Variants in DEUP1 observed in about 807,000 individuals in gnomAD.
The protein encoded by DEUP1 is deuterosome assembly protein 1.
A neutral mutation model predicts 87.4 loss-of-function variants in DEUP1; 82 were observed. The observed-to-expected ratio is 0.94, with a 90% CI of 0.78 to 1.13. The LOEUF is 1.13. DEUP1 is among the 50% of genes most tolerant of loss of function. DEUP1 has a pLI of 0.00. For synonymous variants in DEUP1, 214 were observed against 222.7 expected, an observed-to-expected ratio of 0.96 and a Z score of 0.35; for missense variants, 663 against 681.5, an observed-to-expected ratio of 0.97 and a Z score of 0.30.
chr11:93,374,127 ATTGT>A (rs780882005), intron 7 of DEUP1, among the ~76,000 whole-genome samples: 7 of 151,346 alleles, frequency 4.6e-5, no homozygotes, highest in Non-Finnish European at 8.9e-5. Context: ...TTTTGATGGG[ATTGT>A]TTGTTTTTTT....
rs769834617 is a variant in DEUP1, at chr11:93,371,291, AT to A, written c.789+19del. On this transcript the variant is annotated intron_variant, in intron 7 of 13. Transcript: ENST00000298050. Reference sequence around the variant, plus strand: ...CAAAGACAGTGCCAGGTGAAGATTAATTTTTTTTCAACTAATATTGTCCATG... The same window carrying A: ...CAAAGACAGTGCCAGGTGAAGATTAATTTTTTTCAACTAATATTGTCCATG... 1.7e-5 allele frequency: 27 copies of A among 1,605,114 alleles called. No individual in the cohort carries two copies. Among genetic ancestry groups the A allele is most frequent in the South Asian group, 3.4e-5 (3 of 89,256 alleles).
intron 11 of DEUP1, among the ~76,000 whole-genome samples, chr11:93,404,881 G>A (rs964768510): frequency 6.6e-6 from 1 of 151,620 alleles, no homozygotes; most frequent in African/African-American, 2.4e-5. Flanking sequence ...AAATGAGAGG[G>A]ACCCAAAAAA....
intron 4 of DEUP1, among the ~76,000 whole-genome samples, chr11:93,359,234 T>C (rs1945045813): frequency 6.6e-6 from 1 of 152,206 alleles, no homozygotes; most frequent in Non-Finnish European, 1.5e-5. Flanking sequence ...TTCTGGTTTA[T>C]TTACAATTTC....
rs1054046024 is a variant in DEUP1 at position 93,428,361 on chromosome 11, C to T, written c.1639-9182C>T. Reference sequence around the variant, plus strand: ...ATCTCAAGAACAAAAAACCAAACACCACATGTTCTCACTCATTGATGGGCA... The same window carrying T: ...ATCTCAAGAACAAAAAACCAAACACTACATGTTCTCACTCATTGATGGGCA... On this transcript the variant is annotated intron_variant, in intron 13 of 13. Coordinates refer to ENST00000298050, the MANE Select transcript of DEUP1 (RefSeq NM_181645.4). 4.6e-5 allele frequency among the ~76,000 whole-genome samples: 7 copies of T among 151,552 alleles called. No homozygotes were observed. In the South Asian group the frequency reaches 6.3e-4, roughly 14 times the overall value.
chr11:93,414,238 G>A lies in DEUP1; in HGVS notation c.1524-762G>A, dbSNP rs182101204. 5.9e-5 allele frequency among the ~76,000 whole-genome samples: 9 copies of A among 152,274 alleles called. No individual in the cohort carries two copies. In the East Asian group the frequency reaches 7.7e-4, roughly 13 times the overall value. ...TTATTCAAAGACTTGTTGGCTGGGCGCACGGTGACTCATGCCTGTAATCCC... is the reference window on the plus strand; with the variant it reads ...TTATTCAAAGACTTGTTGGCTGGGCACACGGTGACTCATGCCTGTAATCCC... On this transcript the variant is annotated intron_variant, in intron 12 of 13. Coordinates refer to ENST00000298050, the MANE Select transcript of DEUP1 (RefSeq NM_181645.4).
At chr11:93,370,365 A>G (rs1214510541) in intron 6 of DEUP1, among the ~76,000 whole-genome samples, 179 bp downstream of exon 6, 1 of 152,224 alleles carries the variant, frequency 6.6e-6, no homozygotes, top group Non-Finnish European at 1.5e-5. Context: ...TTTAGTCTAC[A>G]TGTCTCAAAG....
chr11:93,381,742 T>G (rs1410453625), intron 7 of DEUP1, among the ~76,000 whole-genome samples: 11 of 152,132 alleles, frequency 7.2e-5, no homozygotes, highest in African/African-American at 2.7e-4. Context: ...AGTAATATAA[T>G]GTAAGCCACA....
rs1947396020 is a variant in DEUP1, at chr11:93,410,202, T to G, written c.1523+1775T>G. ...CAGTAACCATTCAAAAGTACCAAATTAATAAACCCTTTTCAGGTAAAGAAG... is the reference window on the plus strand; with the variant it reads ...CAGTAACCATTCAAAAGTACCAAATGAATAAACCCTTTTCAGGTAAAGAAG... On this transcript the variant is annotated intron_variant, in intron 12 of 13. Transcript: ENST00000298050. 2.6e-5 allele frequency among the ~76,000 whole-genome samples: 4 copies of G among 152,204 alleles called. No homozygotes were observed. In the South Asian group the frequency reaches 8.3e-4, roughly 32 times the overall value.
intron 2 of DEUP1, among the ~76,000 whole-genome samples, chr11:93,335,068 C>T (rs1943684561): frequency 6.6e-6 from 1 of 152,214 alleles, no homozygotes; most frequent in South Asian, 2.1e-4. Flanking sequence ...TAAGTTTCCT[C>T]CTGAGCACAG....
intron 13 of DEUP1, among the ~76,000 whole-genome samples, chr11:93,418,991 A>G (rs1452035880): frequency 5.5e-5 from 8 of 145,720 alleles, no homozygotes; most frequent in African/African-American, 1.8e-4. Flanking sequence ...ATGAGAACAC[A>G]TGGACACAGG....
Position 93,371,097 on chromosome 11 carries a change from C to A in DEUP1, c.606C>A (p.Ser202Arg). The change falls in exon 7 of 14, where the codon AGC becomes AGA. Residue 202 changes from serine to arginine, a missense_variant. By Grantham distance (110) the Ser-to-Arg change is moderately radical. Transcript: ENST00000298050. ...GTAAAAAACAGTGCTTAGAAGACAG[C>A]AGCTCTGAAATTCCTCGTTTGATAT... ...LNGKKQCLED[S>R]SSEIPRLICD... 1.2e-6 allele frequency: 2 copies of A among 1,612,152 alleles called. No homozygotes were observed. The highest frequency in any genetic ancestry group is 1.7e-6 in the Non-Finnish European group (2 of 1,178,758).
intron 6 of DEUP1, among the ~76,000 whole-genome samples, chr11:93,370,497 A>T (rs1018223227): frequency 4.6e-5 from 7 of 152,326 alleles, no homozygotes; most frequent in Admixed American, 4.6e-4. Context: ...TTCCCTGGCT[A>T]CTTGTAAGAC....
At chr11:93,409,113 T>C (rs896718410) in intron 12 of DEUP1, among the ~76,000 whole-genome samples, 6 of 152,176 alleles carry the variant, frequency 3.9e-5, no homozygotes, top group African/African-American at 1.4e-4. Flanking sequence ...CACCTCAGCC[T>C]CCCAAAGTGC....
At chr11:93,374,857 T>C (rs1198671814) in intron 7 of DEUP1, among the ~76,000 whole-genome samples, 2 of 152,086 alleles carry the variant, frequency 1.3e-5, no homozygotes, top group African/African-American at 4.8e-5. Flanking sequence ...AATTTGAAGA[T>C]TGATTTTGGG....
At chr11:93,363,796 G>T (rs867803265) in intron 4 of DEUP1, among the ~76,000 whole-genome samples, 2 of 151,692 alleles carry the variant, frequency 1.3e-5, no homozygotes, top group African/African-American at 4.8e-5. Flanking sequence ...TAGATTTACT[G>T]GATTTAAAAT....
chr11:93,388,099 T>C (rs958799486), intron 8 of DEUP1, among the ~76,000 whole-genome samples: 1 of 152,166 alleles, frequency 6.6e-6, no homozygotes, highest in South Asian at 2.1e-4. Context: ...CTCAGGGATA[T>C]CACTACCAAC....
At chr11:93,330,823 A>G (rs1402810391) in intron 1 of DEUP1, 51 bp downstream of exon 1, 2 of 152,568 alleles carry the variant, frequency 1.3e-5, no homozygotes, top group Non-Finnish European at 2.9e-5. Flanking sequence ...CCCTCACCCA[A>G]AGGCCAGGCT....
At chr11:93,415,258 C>T in intron 13 of DEUP1, 144 bp downstream of exon 13, 1 of 446,836 alleles carries the variant, frequency 2.2e-6, no homozygotes, top group Non-Finnish European at 4.1e-6. Flanking sequence ...GTCTGCGAGC[C>T]ATTTGGCCAT....
intron 5 of DEUP1, among the ~76,000 whole-genome samples, chr11:93,368,521 T>C (rs1945537071): frequency 6.6e-6 from 1 of 152,162 alleles, no homozygotes; most frequent in Middle Eastern, 3.2e-3. Flanking sequence ...GCAAGGCATG[T>C]CTTCACGTGG....
Sources: gnomAD v4.1 joint callset for allele counts (sites outside exome capture counted in the v4.1 genomes callset) on GRCh38, gnomAD v4.1.1 for gene constraint, MANE v1.5 for transcripts, NCBI Gene and HGNC (gene_info 2026-07-23, HGNC 2026-07-21) for gene names.